The following PLCB1 variants were observed in gnomAD, a reference collection of about 807,000 sequenced individuals.
PLCB1 encodes the protein 1-phosphatidylinositol 4,5-bisphosphate phosphodiesterase beta-1.
In PLCB1, 46 loss-of-function variants were observed where a neutral mutation model predicts 161.8. The ratio of observed to expected loss-of-function variants is 0.28; its 90% confidence interval spans 0.22 to 0.36. The LOEUF (loss-of-function observed/expected upper bound fraction) is 0.36, where lower values mean the gene tolerates loss of function less well. Among genes scored for constraint, PLCB1 ranks in the 10% least tolerant of loss-of-function variants. PLCB1 has a pLI of 1.00. For synonymous variants in PLCB1, 517 were observed against 503.7 expected, an observed-to-expected ratio of 1.03 and a Z score of -0.35; for missense variants, 1,016 against 1,472.5, an observed-to-expected ratio of 0.69 and a Z score of 5.07.
chr20:8,698,061 G>A (rs1990619593), intron 11 of PLCB1, among the ~76,000 whole-genome samples: 1 of 152,124 alleles, frequency 6.6e-6, no homozygotes, highest in South Asian at 2.1e-4. Flanking sequence ...CTAATTTCTT[G>A]CATTTTATTT....
At chr20:8,656,757 T>G (rs1989468850) in intron 7 of PLCB1, among the ~76,000 whole-genome samples, 1 of 148,794 alleles carries the variant, frequency 6.7e-6, no homozygotes, top group African/African-American at 2.5e-5. Context: ...CTAGGGTCAT[T>G]ACTTAAAAAA....
At chr20:8,847,905 A>G (rs561445001) in intron 31 of PLCB1, among the ~76,000 whole-genome samples, 29 of 152,222 alleles carry the variant, frequency 1.9e-4, no homozygotes, top group Admixed American at 7.2e-4. Context: ...ACGAACAGAA[A>G]TCTATTTTCT....
At chr20:8,294,284 C>A (rs1983524316) in intron 2 of PLCB1, among the ~76,000 whole-genome samples, 1 of 152,074 alleles carries the variant, frequency 6.6e-6, no homozygotes, top group South Asian at 2.1e-4. Context: ...ACAGTAGACA[C>A]AGTCATTCTA....
At chr20:8,256,547 C>G (rs67750658) in intron 2 of PLCB1, among the ~76,000 whole-genome samples, 15,107 of 152,034 alleles carry the variant, frequency 0.099, 867 homozygotes, top group East Asian at 0.16. Flanking sequence ...ACATCCTGCT[C>G]GCTATAGGAG....
At chr20:8,153,441 G>T (rs1295026970) in intron 2 of PLCB1, among the ~76,000 whole-genome samples, 2 of 152,224 alleles carry the variant, frequency 1.3e-5, no homozygotes, top group Middle Eastern at 3.4e-3. Flanking sequence ...GTCCTGCACA[G>T]CCTGAGTACT....
intron 3 of PLCB1, among the ~76,000 whole-genome samples, chr20:8,517,088 C>T (rs2876132): frequency 0.095 from 14,434 of 151,940 alleles, 839 homozygotes; most frequent in Non-Finnish European, 0.14. Flanking sequence ...AGGGGTTGGG[C>T]GTTCCACATA....
At chr20:8,472,639 T>C (rs1982103512) in intron 3 of PLCB1, among the ~76,000 whole-genome samples, 1 of 151,478 alleles carries the variant, frequency 6.6e-6, no homozygotes. Flanking sequence ...AGCCTAGGAG[T>C]TCAAGGCCAA....
At chr20:8,224,911 C>T (rs571099890) in intron 2 of PLCB1, among the ~76,000 whole-genome samples, 3 of 152,272 alleles carry the variant, frequency 2.0e-5, no homozygotes, top group Admixed American at 2.0e-4. Flanking sequence ...TATATCATGG[C>T]TTCTTCAGCT....
chr20:8,238,268 A>T (rs776659776), intron 2 of PLCB1, among the ~76,000 whole-genome samples: 1 of 152,024 alleles, frequency 6.6e-6, no homozygotes, highest in Admixed American at 6.6e-5. Flanking sequence ...TCCAGCAGGC[A>T]TTTGGGAATA....
chr20:8,331,342 G>A (rs976441313), intron 2 of PLCB1, among the ~76,000 whole-genome samples: 1 of 149,830 alleles, frequency 6.7e-6, no homozygotes, highest in African/African-American at 2.5e-5. Context: ...GATTCAATAC[G>A]TGTGAAGTTT....
intron 3 of PLCB1, among the ~76,000 whole-genome samples, chr20:8,524,517 C>G (rs943519724): frequency 6.6e-6 from 1 of 152,114 alleles, no homozygotes; most frequent in Non-Finnish European, 1.5e-5. Context: ...TTTGTCTTCT[C>G]AAGGTCATGT....
intron 3 of PLCB1, among the ~76,000 whole-genome samples, chr20:8,390,497 C>T (rs1317300563): frequency 6.6e-6 from 1 of 152,124 alleles, no homozygotes; most frequent in African/African-American, 2.4e-5. Flanking sequence ...ACAGTGTTCC[C>T]TCATTACATT....
intron 31 of PLCB1, among the ~76,000 whole-genome samples, chr20:8,846,011 G>A (rs1986678623): frequency 6.6e-6 from 1 of 152,164 alleles, no homozygotes; most frequent in Admixed American, 6.5e-5. Context: ...CGAAGGAATT[G>A]CAACTATTGT....
intron 3 of PLCB1, among the ~76,000 whole-genome samples, chr20:8,501,030 A>G (rs142364709): frequency 1.3e-5 from 2 of 152,154 alleles, no homozygotes; most frequent in Non-Finnish European, 2.9e-5. Context: ...CCAACAGTTC[A>G]TATCCAGACA....
intron 3 of PLCB1, among the ~76,000 whole-genome samples, chr20:8,526,677 T>C (rs985956867): frequency 6.6e-6 from 1 of 152,158 alleles, no homozygotes; most frequent in African/African-American, 2.4e-5. Flanking sequence ...CATTGGCTGC[T>C]CTGTTCATTA....
intron 3 of PLCB1, among the ~76,000 whole-genome samples, chr20:8,490,155 C>G (rs2122773344): frequency 6.6e-6 from 1 of 152,300 alleles, no homozygotes; most frequent in East Asian, 1.9e-4. Flanking sequence ...GATTATCCTT[C>G]ATATCCCAAC....
At chr20:8,560,516 G>C (rs1321228211) in intron 3 of PLCB1, among the ~76,000 whole-genome samples, 1 of 151,996 alleles carries the variant, frequency 6.6e-6, no homozygotes, top group Non-Finnish European at 1.5e-5. Flanking sequence ...CAGAATCTCT[G>C]AGAATTGAGC....
chr20:8,330,803 TACA>T lies in PLCB1; in HGVS notation c.178-40575_178-40573del, dbSNP rs367955944. On this transcript the variant is annotated intron_variant, in intron 2 of 31. Coordinates refer to ENST00000338037, the MANE Select transcript of PLCB1 (RefSeq NM_015192.4). Reference sequence around the variant, plus strand: ...GAGTTGAAGGAATGCTGTTGGCACCTACAACATTAGCATCTACATCCTTTGCTG... The same window carrying T: ...GAGTTGAAGGAATGCTGTTGGCACCTACATTAGCATCTACATCCTTTGCTG... 1.4e-3 allele frequency among the ~76,000 whole-genome samples: 214 copies of T among 152,316 alleles called. 1 individual carries two copies. Among genetic ancestry groups the T allele is most frequent in the Non-Finnish European group, 2.1e-3 (142 of 68,028 alleles).
intron 3 of PLCB1, among the ~76,000 whole-genome samples, chr20:8,466,284 T>C (rs1238500765): frequency 7.3e-6 from 1 of 137,886 alleles, no homozygotes; most frequent in African/African-American, 2.7e-5. Context: ...TGAGAACACA[T>C]GGACACAGGA....
Sources: allele counts gnomAD v4.1 joint callset (sites outside exome capture counted in the v4.1 genomes callset), GRCh38; gene constraint gnomAD v4.1.1; transcripts MANE v1.5; gene names NCBI Gene and HGNC (gene_info 2026-07-23, HGNC 2026-07-21).